SLC45A4: variants seen among roughly 807,000 people sequenced by gnomAD.
The protein encoded by SLC45A4 is solute carrier family 45 member 4.
SLC45A4 carries 32 observed loss-of-function variants against 63.7 expected under a neutral mutation model. That is an observed-to-expected ratio of 0.50 (90% CI 0.38 to 0.67). The LOEUF (loss-of-function observed/expected upper bound fraction) is 0.67. Among genes scored for constraint, SLC45A4 ranks in the 30% least tolerant of loss-of-function variants. SLC45A4 has a pLI of 0.00. For missense variants in SLC45A4, 1,027 were observed against 1,157.7 expected, an observed-to-expected ratio of 0.89 and a Z score of 1.64; for synonymous variants, 535 against 510.0, an observed-to-expected ratio of 1.05 and a Z score of -0.66.
intron 2 of SLC45A4, among the ~76,000 whole-genome samples, chr8:141,247,095 T>C (rs1315045497): frequency 1.3e-5 from 2 of 152,196 alleles, no homozygotes. Context: ...AAGCATAGTC[T>C]TTGAAAAGAC....
chr8:141,276,757 G>A (rs751942007), intron 1 of SLC45A4, among the ~76,000 whole-genome samples: 8 of 152,174 alleles, frequency 5.3e-5, no homozygotes, highest in Non-Finnish European at 1.2e-4. Flanking sequence ...GAGACCACAG[G>A]ACATGGTCTG....
rs949495042 is a variant in SLC45A4, at chr8:141,222,721, G to A, written c.242-956C>T. ...CACGAGCCCACTCACAGCGCTGAGCGAAGCAGCCACACAGATGACCACGCA... is the reference window on the plus strand; with the variant it reads ...CACGAGCCCACTCACAGCGCTGAGCAAAGCAGCCACACAGATGACCACGCA... On this transcript the variant is annotated intron_variant, in intron 2 of 8. Transcript: ENST00000517878. Among the ~76,000 whole-genome samples, 4 of 152,380 alleles carry A rather than the reference G, an allele frequency of 2.6e-5. No individual in the cohort carries two copies. In the East Asian group the frequency reaches 5.8e-4, roughly 22 times the overall value.
chr8:141,265,299 C>A (rs1359860660), intron 1 of SLC45A4, among the ~76,000 whole-genome samples: 1 of 152,178 alleles, frequency 6.6e-6, no homozygotes, highest in African/African-American at 2.4e-5. Context: ...GTTTGAAATC[C>A]TTCCCTTCAC....
chr8:141,289,096 C>T lies in SLC45A4; in HGVS notation c.-401+19000G>A, dbSNP rs922658181. On this transcript the variant is annotated intron_variant, in intron 1 of 8. Coordinates refer to ENST00000517878, the MANE Select transcript of SLC45A4 (RefSeq NM_001286646.2). ...AGCCGGCCATGAAACCAGCCAGGTGCGCGATGGAGTCAGGGCCTGGGGAAG... is the reference window on the plus strand; with the variant it reads ...AGCCGGCCATGAAACCAGCCAGGTGTGCGATGGAGTCAGGGCCTGGGGAAG... 2.0e-5 allele frequency among the ~76,000 whole-genome samples: 3 copies of T among 152,234 alleles called. No individual in the cohort carries two copies. In the East Asian group the frequency reaches 5.8e-4, roughly 29 times the overall value.
chr8:141,215,037 C>T lies in SLC45A4; in HGVS notation c.1941+722G>A, dbSNP rs1227847526. ...ACCCAAAGGCTCACAAAGCAGGGTG[C>T]ATCTGGCCATACACTGTGACATGAA... On this transcript the variant is annotated intron_variant, in intron 7 of 8. Transcript: ENST00000517878. The surrounding 1 kb of genome is among the most constrained non-coding windows in gnomAD (Gnocchi z 4.3). Among the ~76,000 whole-genome samples the T allele has an allele frequency of 1.3e-5, 2 of 152,214 alleles. No individual in the cohort carries two copies. Among genetic ancestry groups the T allele is most frequent in the African/African-American group, 2.4e-5 (1 of 41,454 alleles).
rs1380185403 is a variant in SLC45A4 at position 141,308,110 on chromosome 8, CGGGGCCGCG to C, written c.-424_-416del. 1 of 135,622 alleles carries C rather than the reference CGGGGCCGCG, an allele frequency of 7.4e-6. No individual in the cohort carries two copies. Among genetic ancestry groups the C allele is most frequent in the Non-Finnish European group, 1.6e-5 (1 of 62,544 alleles). 8.4% of individuals were successfully genotyped at this position (135,622 alleles called of 1,614,324 possible). ...AGGCCACTCACCTGTCTCCTCCGGCCGGGGCCGCGGGGGCGGCGGGGCGGCCGGGCCGGG... is the reference window on the plus strand; with the variant it reads ...AGGCCACTCACCTGTCTCCTCCGGCCGGGGCGGCGGGGCGGCCGGGCCGGG... On this transcript the variant is annotated 5_prime_UTR_variant, in exon 1 of 9. Coordinates refer to ENST00000517878, the MANE Select transcript of SLC45A4 (RefSeq NM_001286646.2).
At chr8:141,217,900 C>A (rs1166940954) in intron 5 of SLC45A4, 111 bp downstream of exon 5, 2 of 1,333,376 alleles carry the variant, frequency 1.5e-6, no homozygotes, top group African/African-American at 2.9e-5. Context: ...TGTGTGGCCT[C>A]CCTGACACGC....
At chr8:141,221,885 T>C in intron 2 of SLC45A4, 120 bp from the exon 3 acceptor site, 1 of 1,032,888 alleles carries the variant, frequency 9.7e-7, no homozygotes, top group Non-Finnish European at 1.4e-6. Flanking sequence ...GCACATCCCC[T>C]GCTCAGGTTG....
chr8:141,302,897 A>G (rs1436204492), intron 1 of SLC45A4, among the ~76,000 whole-genome samples: 1 of 152,192 alleles, frequency 6.6e-6, no homozygotes, highest in African/African-American at 2.4e-5. Context: ...ATGCTCTTGA[A>G]TAAATGTATT....
chr8:141,273,956 G>C (rs1048600413), intron 1 of SLC45A4, among the ~76,000 whole-genome samples: 5 of 152,228 alleles, frequency 3.3e-5, no homozygotes, highest in African/African-American at 1.2e-4. Flanking sequence ...TGGGCCAGGC[G>C]TGGTGGCTCA....
intron 1 of SLC45A4, among the ~76,000 whole-genome samples, chr8:141,285,328 G>A (rs1397228830): frequency 2.6e-5 from 4 of 152,240 alleles, no homozygotes; most frequent in Non-Finnish European, 4.4e-5. Flanking sequence ...CTCGGCCTGC[G>A]CCATGACGGG....
chr8:141,256,885 G>A lies in SLC45A4; in HGVS notation c.-400-2256C>T, dbSNP rs991480909. The A allele has an allele frequency of 1.1e-4, 37 of 330,198 alleles. No homozygotes were observed. The Admixed American group carries it at 1.3e-3, about 11-fold the overall frequency. 20.5% of individuals were successfully genotyped at this position (330,198 alleles called of 1,614,324 possible). A position where few individuals can be genotyped will look rare whatever the true frequency, so the allele number is the denominator to read the frequency against. ...TTTTTTTTTTTTTTGAGACAGTCTC[G>A]CTCTGTTGCCCAGGCTGGAGTGCAG... On this transcript the variant is annotated intron_variant, in intron 1 of 8. Transcript: ENST00000517878. The surrounding 1 kb of genome is among the most constrained non-coding windows in gnomAD (Gnocchi z 4.3).
intron 1 of SLC45A4, among the ~76,000 whole-genome samples, chr8:141,282,600 T>A (rs974726340): frequency 2.0e-5 from 3 of 152,228 alleles, no homozygotes; most frequent in African/African-American, 7.2e-5. Context: ...CGGTCCTCCC[T>A]TTTCCATGAA....
chr8:141,296,539 T>TAAAAAAA (rs34176241), intron 1 of SLC45A4, among the ~76,000 whole-genome samples: 1 of 129,348 alleles, frequency 7.7e-6, no homozygotes, highest in Non-Finnish European at 1.6e-5. Flanking sequence ...AAATTAAAAT[T>TAAAAAAA]AAAAAAAAAA....
rs1473231107 is a variant in SLC45A4 at position 141,254,403 on chromosome 8, G to A, written c.-174C>T. On this transcript the variant is annotated 5_prime_UTR_variant, in exon 2 of 9. Coordinates refer to ENST00000517878, the MANE Select transcript of SLC45A4 (RefSeq NM_001286646.2). This position sits in a 1 kb window ranked among gnomAD's most constrained non-coding sequence, Gnocchi z 4.5. ...TGGCTATCTCACAACTTCTCACAAC[G>A]GTATGAGACATGCAGCAACACAGAA... 19 of 743,164 alleles carry A rather than the reference G, an allele frequency of 2.6e-5. No homozygotes were observed. The highest frequency in any genetic ancestry group is 3.9e-4 in the Middle Eastern group (1 of 2,570). 46.0% of individuals were successfully genotyped at this position (743,164 alleles called of 1,614,324 possible).
chr8:141,283,185 T>A (rs1013764310), intron 1 of SLC45A4, among the ~76,000 whole-genome samples: 1 of 152,266 alleles, frequency 6.6e-6, no homozygotes, highest in African/African-American at 2.4e-5. Context: ...CCTCAAGTCC[T>A]GAGCTAGATG....
intron 2 of SLC45A4, 94 bp downstream of exon 2, chr8:141,253,895 C>A (rs995950323): frequency 5.4e-6 from 8 of 1,491,136 alleles, no homozygotes; most frequent in Admixed American, 2.0e-5. Flanking sequence ...CTCTCCAGGA[C>A]GCACCATCCT....
intron 2 of SLC45A4, among the ~76,000 whole-genome samples, chr8:141,249,068 G>A (rs1305022276): frequency 1.3e-5 from 2 of 151,590 alleles, no homozygotes; most frequent in African/African-American, 4.9e-5. Context: ...AATGAGATAT[G>A]GTTCACACCC....
chr8:141,235,379 G>A (rs917367923), intron 2 of SLC45A4, among the ~76,000 whole-genome samples: 17 of 152,286 alleles, frequency 1.1e-4, no homozygotes, highest in African/African-American at 3.6e-4. Flanking sequence ...GTGCACTTCC[G>A]GTGTGGCTGC....
Sources: gnomAD v4.1 joint callset for allele counts (sites outside exome capture counted in the v4.1 genomes callset) on GRCh38, gnomAD v4.1.1 for gene constraint, Gnocchi (gnomAD v3.1) non-coding constraint, MANE v1.5 for transcripts, NCBI Gene and HGNC (gene_info 2026-07-23, HGNC 2026-07-21) for gene names.